Variants in EHMT1 observed in about 807,000 individuals in gnomAD.
The protein encoded by EHMT1 is histone-lysine N-methyltransferase EHMT1.
EHMT1 carries 15 observed loss-of-function variants against 147.2 expected under a neutral mutation model. The observed-to-expected ratio is 0.10, with a 90% CI of 0.07 to 0.16. EHMT1 has a LOEUF of 0.16. EHMT1 is among the 10% of genes least tolerant of loss of function. The pLI, the probability that EHMT1 is intolerant of heterozygous loss-of-function variation, is 1.00. For missense variants in EHMT1, 1,587 were observed against 1,772.4 expected (o/e 0.90, Z 1.88); for synonymous variants, 795 against 709.6 (o/e 1.12, Z -1.91).
intron 10 of EHMT1, among the ~76,000 whole-genome samples, chr9:137,767,093 G>A: frequency 6.6e-6 from 1 of 152,170 alleles, no homozygotes; most frequent in East Asian, 1.9e-4. Flanking sequence ...ACAATGCTGG[G>A]ATTGTAAGTG....
Position 137,776,546 on chromosome 9 carries a change from T to G in EHMT1, c.1792-72T>G. 6.7e-7 allele frequency: 1 copy of G among 1,497,310 alleles called. No homozygotes were observed. Among genetic ancestry groups the G allele is most frequent in the Non-Finnish European group, 9.2e-7 (1 of 1,084,700 alleles). 92.8% of individuals were successfully genotyped at this position (1,497,310 alleles called of 1,614,324 possible). On this transcript the variant is annotated intron_variant, in intron 11 of 26. Coordinates refer to ENST00000460843, the MANE Select transcript of EHMT1 (RefSeq NM_024757.5). The surrounding 1 kb of genome is among the most constrained non-coding windows in gnomAD (Gnocchi z 4.4). ...CCCGATGTGGGATGCGGTGCCAGTT[T>G]AGTAGTACTTTATTTTTCTAAATAT... is the stretch of plus-strand genomic sequence containing the variant.
intron 1 of EHMT1, among the ~76,000 whole-genome samples, chr9:137,684,366 T>C (rs1942240777): frequency 6.6e-6 from 1 of 152,176 alleles, no homozygotes; most frequent in African/African-American, 2.4e-5. Flanking sequence ...TTCAACTGAA[T>C]AGAAAAGTTG....
In EHMT1 at chr9:137,798,809, G is replaced by A; in HGVS notation, c.2506-4G>A. On this transcript the variant is annotated splice_polypyrimidine_tract_variant and splice_region_variant and intron_variant, in intron 16 of 26. Coordinates refer to ENST00000460843, the MANE Select transcript of EHMT1 (RefSeq NM_024757.5). ...TCTTTGACTAAGTGGCATTTCTGTTGCAGGACGCAGAGGGCTCTACGTGTT... is the reference window on the plus strand; with the variant it reads ...TCTTTGACTAAGTGGCATTTCTGTTACAGGACGCAGAGGGCTCTACGTGTT... 6.2e-7 allele frequency: 1 copy of A among 1,613,118 alleles called. No homozygotes were observed. Among genetic ancestry groups the A allele is most frequent in the South Asian group, 1.1e-5 (1 of 91,062 alleles).
At chr9:137,669,525 A>G (rs1589186140) in intron 1 of EHMT1, among the ~76,000 whole-genome samples, 3 of 121,788 alleles carry the variant, frequency 2.5e-5, no homozygotes, top group Non-Finnish European at 1.6e-5. Flanking sequence ...CAGCACGTGC[A>G]CTCGACTCCT....
intron 9 of EHMT1, among the ~76,000 whole-genome samples, chr9:137,761,522 C>A (rs1949812321): frequency 6.6e-6 from 1 of 152,328 alleles, no homozygotes; most frequent in East Asian, 1.9e-4. Context: ...GGCACAATCT[C>A]AGCTCACTAC....
intron 14 of EHMT1, among the ~76,000 whole-genome samples, chr9:137,780,320 G>A (rs1339616887): frequency 2.7e-5 from 3 of 112,358 alleles, no homozygotes; most frequent in African/African-American, 1.1e-4. Flanking sequence ...GGTGATGACG[G>A]CATCACTGAG....
intron 13 of EHMT1, among the ~76,000 whole-genome samples, chr9:137,779,214 A>G (rs11137223): frequency 0.34 from 51,351 of 152,148 alleles, 8,977 homozygotes; most frequent in Admixed American, 0.43. Context: ...ACCGCCCAGG[A>G]CATCTTCTGT....
chr9:137,834,903 G>A lies in EHMT1; in HGVS notation c.3847G>A (p.Glu1283Lys), dbSNP rs1259381308. The A allele has an allele frequency of 6.3e-7, 1 of 1,599,846 alleles. No individual in the cohort carries two copies. The highest frequency in any genetic ancestry group is 2.3e-5 in the East Asian group (1 of 44,430). ...GGCCAGCGCGGCCCAGGAGGCCCAG[G>A]AGGACGGCTTGCCCGACACCAGCTC... ...RQASAAQEAQ[E>K]DGLPDTSSAA... Residue 1283 changes from glutamate (E) to lysine (K), a missense_variant, in exon 27 of 27, where the codon GAG (glutamate) becomes AAG (lysine). Coordinates refer to ENST00000460843, the MANE Select transcript of EHMT1 (RefSeq NM_024757.5).
At chr9:137,688,687 C>A (rs1942669800) in intron 1 of EHMT1, among the ~76,000 whole-genome samples, 2 of 152,226 alleles carry the variant, frequency 1.3e-5, no homozygotes, top group Admixed American at 6.5e-5. Flanking sequence ...TGTCCAACCG[C>A]TATCCACTTG....
chr9:137,709,673 T>TA (rs1490375626), intron 1 of EHMT1, among the ~76,000 whole-genome samples: 2 of 129,490 alleles, frequency 1.5e-5, no homozygotes, highest in East Asian at 4.1e-4. Context: ...AGCCTCTTCT[T>TA]ACCTGTTGAT....
chr9:137,766,647 T>G (rs374729886), intron 10 of EHMT1, among the ~76,000 whole-genome samples: 8 of 152,106 alleles, frequency 5.3e-5, no homozygotes, highest in African/African-American at 1.9e-4. Flanking sequence ...ACTACCTGTT[T>G]TGTTTTAAAG....
At chr9:137,709,672 T>TTCG (rs1944529838) in intron 1 of EHMT1, among the ~76,000 whole-genome samples, 1 of 152,160 alleles carries the variant, frequency 6.6e-6, no homozygotes, top group African/African-American at 2.4e-5. Context: ...CAGCCTCTTC[T>TTCG]TACCTGTTGA....
rs1225515012 is a variant in EHMT1 at position 137,752,552 on chromosome 9, A to T, written c.1248+144A>T. ...GAGCTGGTCATGGTGATGGCCACAGATGGGTCCTGTCCCTGGCAAAGCCTC... is the reference window on the plus strand; with the variant it reads ...GAGCTGGTCATGGTGATGGCCACAGTTGGGTCCTGTCCCTGGCAAAGCCTC... On this transcript the variant is annotated intron_variant, in intron 7 of 26. Transcript: ENST00000460843. 4.3e-6 allele frequency: 4 copies of T among 940,394 alleles called. No individual in the cohort carries two copies. The African/African-American group carries it at 6.5e-5, about 15-fold the overall frequency. 58.3% of individuals were successfully genotyped at this position (940,394 alleles called of 1,614,324 possible).
intron 1 of EHMT1, among the ~76,000 whole-genome samples, chr9:137,630,367 G>T (rs1364630837): frequency 6.6e-6 from 1 of 152,222 alleles, no homozygotes; most frequent in Non-Finnish European, 1.5e-5. Flanking sequence ...AATTGCTGCG[G>T]CCACATGTGT....
Position 137,835,157 on chromosome 9 carries a change from C to T in EHMT1, c.*204C>T, listed in dbSNP as rs886063745. On this transcript the variant is annotated 3_prime_UTR_variant, in exon 27 of 27. Transcript: ENST00000460843. ...CACCTTCCCAGACCTGCGGCCTCACCGCGGGCCCAGTGCCCAGGCTGGAGC... is the reference window on the plus strand; with the variant it reads ...CACCTTCCCAGACCTGCGGCCTCACTGCGGGCCCAGTGCCCAGGCTGGAGC... 2.3e-5 allele frequency: 12 copies of T among 527,034 alleles called. No individual in the cohort carries two copies. The highest frequency in any genetic ancestry group is 8.8e-5 in the Admixed American group (2 of 22,604). The allele number at this position is 527,034 out of a possible 1,614,324, so 32.6% of individuals were successfully genotyped here.
Position 137,835,084 on chromosome 9 carries a change from C to G in EHMT1, c.*131C>G. ...TGCGCCGCCGGCTTCCTGGAGGGGT[C>G]GGAGGTGAGGCTGCAGCCCCTGCGG... On this transcript the variant is annotated 3_prime_UTR_variant, in exon 27 of 27. Transcript: ENST00000460843. 8.9e-7 allele frequency: 1 copy of G among 1,122,324 alleles called. No homozygotes were observed. The highest frequency in any genetic ancestry group is 1.2e-6 in the Non-Finnish European group (1 of 860,704). 69.5% of individuals were successfully genotyped at this position (1,122,324 alleles called of 1,614,324 possible).
chr9:137,685,287 C>T (rs919639201), intron 1 of EHMT1: 2 of 152,176 alleles, frequency 1.3e-5, no homozygotes, highest in Non-Finnish European at 2.9e-5. Flanking sequence ...CTCCTGGTAA[C>T]CCCTGATAGA....
At chr9:137,651,951 C>T (rs553376439) in intron 1 of EHMT1, among the ~76,000 whole-genome samples, 7 of 152,122 alleles carry the variant, frequency 4.6e-5, no homozygotes, top group East Asian at 1.9e-4. Context: ...ATGTGCAGTA[C>T]CTAATGCTTG....
At chr9:137,792,657 A>G (rs1230612629) in intron 16 of EHMT1, among the ~76,000 whole-genome samples, 1 of 152,204 alleles carries the variant, frequency 6.6e-6, no homozygotes, top group Non-Finnish European at 1.5e-5. Context: ...GTGAGCCGAG[A>G]TCACGCCACT....
Sources: allele counts gnomAD v4.1 joint callset (sites outside exome capture counted in the v4.1 genomes callset), GRCh38; gene constraint gnomAD v4.1.1; non-coding constraint Gnocchi (gnomAD v3.1); transcripts MANE v1.5; gene names NCBI Gene and HGNC (gene_info 2026-07-23, HGNC 2026-07-21).